Variants in MCC observed in about 807,000 individuals in gnomAD.
MCC encodes the protein MCC regulator of Wnt signaling pathway, also known as colorectal mutant cancer protein.
Under a neutral mutation model 116.2 loss-of-function variants are expected in MCC, and 90 were observed. That is an observed-to-expected ratio of 0.77 (90% CI 0.65 to 0.92). MCC has a LOEUF of 0.92. MCC is among the 40% of genes least tolerant of loss of function. The probability of loss-of-function intolerance (pLI) is 0.00; values close to 1 mark genes in which losing one functional copy is unlikely to be tolerated. For synonymous variants in MCC, 578 were observed against 510.5 expected (o/e 1.13, Z -1.78); for missense variants, 1,516 against 1,312.2 (o/e 1.16, Z -2.40).
intron 2 of MCC, among the ~76,000 whole-genome samples, chr5:113,369,518 G>T (rs1351697948): frequency 6.6e-6 from 1 of 152,078 alleles, no homozygotes; most frequent in Non-Finnish European, 1.5e-5. Context: ...ATTAATGGTA[G>T]ATTTTTTGAG....
Position 113,456,623 on chromosome 5 carries a change from A to ATTTTTTTTTTTTTTTTTTTTTTTT in MCC, c.170+31598_170+31621dup, listed in dbSNP as rs34111159. ...AGTCACCCGCCACCATGCCCAGCTA[A>ATTTTTTTTTTTTTTTTTTTTTTTT]TTTTTTTTTTTTTTTTTTTTTTTTT... On this transcript the variant is annotated intron_variant, in intron 1 of 18. Coordinates refer to ENST00000408903, the MANE Select transcript of MCC (RefSeq NM_001085377.2). Among the ~76,000 whole-genome samples the ATTTTTTTTTTTTTTTTTTTTTTTT allele has an allele frequency of 7.8e-5, 4 of 51,074 alleles. 1 individual carries two copies. Among genetic ancestry groups the ATTTTTTTTTTTTTTTTTTTTTTTT allele is most frequent in the African/African-American group, 3.0e-4 (4 of 13,238 alleles). The allele number at this position is 51,074 out of a possible 152,430, so 33.5% of individuals were successfully genotyped here.
rs879588146 is a variant in MCC, at chr5:113,128,430, T to C, written c.885-5604A>G. ...GAACAAAGTTTTTTGTTTTTTGTTT[T>C]AAAGCTATTGGAAGGAAATGTATTC... On this transcript the variant is annotated intron_variant, in intron 5 of 18. Coordinates refer to ENST00000408903, the MANE Select transcript of MCC (RefSeq NM_001085377.2). 3.3e-5 allele frequency among the ~76,000 whole-genome samples: 5 copies of C among 152,362 alleles called. No individual in the cohort carries two copies. In the Middle Eastern group the frequency reaches 0.01, roughly 311 times the overall value.
At chr5:113,056,920 T>C (rs939419320) in intron 14 of MCC, among the ~76,000 whole-genome samples, 1 of 151,968 alleles carries the variant, frequency 6.6e-6, no homozygotes, top group African/African-American at 2.4e-5. Context: ...GTCCATGAGA[T>C]GGTGAAAAAT....
intron 5 of MCC, among the ~76,000 whole-genome samples, chr5:113,129,303 A>G (rs1758287457): frequency 6.6e-6 from 1 of 152,198 alleles, no homozygotes; most frequent in African/African-American, 2.4e-5. Flanking sequence ...CAGGAAGGAA[A>G]GAGGGCCTAG....
intron 5 of MCC, among the ~76,000 whole-genome samples, chr5:113,135,277 G>A (rs539289994): frequency 1.5e-4 from 22 of 149,166 alleles, no homozygotes; most frequent in African/African-American, 4.2e-4. Flanking sequence ...CTTAGGGGCC[G>A]GGCACAGTGG....
At chr5:113,399,213 C>A (rs181709249) in intron 1 of MCC, among the ~76,000 whole-genome samples, 1 of 152,158 alleles carries the variant, frequency 6.6e-6, no homozygotes, top group Non-Finnish European at 1.5e-5. Flanking sequence ...TGGCCAGGTG[C>A]GGTGGCTCAC....
At chr5:113,289,833 C>A (rs893890569) in intron 3 of MCC, among the ~76,000 whole-genome samples, 15 of 152,176 alleles carry the variant, frequency 9.9e-5, no homozygotes, top group Non-Finnish European at 1.6e-4. Context: ...AATTTTGGAG[C>A]AGTTTGTTGG....
rs1770794434 is a variant in MCC at position 113,434,722 on chromosome 5, T to G, written c.171-49510A>C. The G allele has an allele frequency of 1.9e-6, 3 of 1,614,070 alleles. No homozygotes were observed. The highest frequency in any genetic ancestry group is 2.5e-6 in the Non-Finnish European group (3 of 1,179,972). ...GCCTTCTTGCGGTCGATGATCTTGA[T>G]CGCCACATTGAACTTCAGGCGCTCA... On this transcript the variant is annotated intron_variant, in intron 1 of 18. Coordinates refer to ENST00000408903, the MANE Select transcript of MCC (RefSeq NM_001085377.2). This position sits in a 1 kb window ranked among gnomAD's most constrained non-coding sequence, Gnocchi z 4.2.
intron 6 of MCC, among the ~76,000 whole-genome samples, chr5:113,113,245 T>A (rs1289037261): frequency 6.6e-6 from 1 of 152,238 alleles, no homozygotes; most frequent in Non-Finnish European, 1.5e-5. Context: ...GATGTAATAG[T>A]TCAGATCTCG....
At chr5:113,062,388 G>T (rs6890833) in intron 14 of MCC, among the ~76,000 whole-genome samples, 131,760 of 152,246 alleles carry the variant, frequency 0.87, 57,716 homozygotes, top group Admixed American at 0.95. Context: ...CTCCTGACTG[G>T]TTCTAAATTT....
intron 14 of MCC, among the ~76,000 whole-genome samples, chr5:113,061,848 C>T (rs887719300): frequency 2.4e-4 from 36 of 152,188 alleles, no homozygotes; most frequent in African/African-American, 8.7e-4. Context: ...CAGAAAGATC[C>T]TTTTCTTTAT....
rs145838279 is a variant in MCC, at chr5:113,339,438, T to TGTGTGTGTGTGC, written c.627+1080_627+1081insGCACACACACAC. Among the ~76,000 whole-genome samples the TGTGTGTGTGTGC allele has an allele frequency of 3.5e-3, 522 of 149,660 alleles. 8 individuals carry two copies. The highest frequency in any genetic ancestry group is 0.012 in the African/African-American group (469 of 40,170). On this transcript the variant is annotated intron_variant, in intron 3 of 18. Transcript: ENST00000408903. ...GTGTGTGTGTGTGTGTGTGTGTGTGTGCGTGCATGTGTGTTTTACTGTAAT... is the reference window on the plus strand; with the variant it reads ...GTGTGTGTGTGTGTGTGTGTGTGTGTGTGTGTGTGTGCGCGTGCATGTGTGTTTTACTGTAAT...
chr5:113,184,319 C>T (rs919550915), intron 3 of MCC, among the ~76,000 whole-genome samples: 4 of 152,174 alleles, frequency 2.6e-5, no homozygotes, highest in South Asian at 2.1e-4. Context: ...TGAAACTCAA[C>T]TGGTTTTCCA....
chr5:113,129,143 G>A (rs1758273055), intron 5 of MCC, among the ~76,000 whole-genome samples: 1 of 152,202 alleles, frequency 6.6e-6, no homozygotes, highest in Non-Finnish European at 1.5e-5. Context: ...ACAGAGATAG[G>A]AGGGGTCTGT....
At chr5:113,052,215 G>A (rs768934591) in intron 15 of MCC, among the ~76,000 whole-genome samples, 1 of 152,158 alleles carries the variant, frequency 6.6e-6, no homozygotes, top group South Asian at 2.1e-4. Flanking sequence ...GAAATCCTTA[G>A]TCTTTGGCCA....
chr5:113,192,691 A>G lies in MCC; in HGVS notation c.628-41269T>C, dbSNP rs77486214. 8.1e-3 allele frequency among the ~76,000 whole-genome samples: 1,230 copies of G among 152,344 alleles called. 18 individuals carry two copies. Among genetic ancestry groups the G allele is most frequent in the African/African-American group, 0.029 (1,186 of 41,586 alleles). On this transcript the variant is annotated intron_variant, in intron 3 of 18. Transcript: ENST00000408903. Reference sequence around the variant, plus strand: ...GTTTGTAAGGACTAAGAGATGATACATGCAAAGCACACAACACAGTCCAAA... The same window carrying G: ...GTTTGTAAGGACTAAGAGATGATACGTGCAAAGCACACAACACAGTCCAAA...
At chr5:113,079,438 T>G (rs1166959238) in intron 11 of MCC, among the ~76,000 whole-genome samples, 3 of 152,196 alleles carry the variant, frequency 2.0e-5, no homozygotes, top group African/African-American at 7.2e-5. Context: ...CAAAACAGCA[T>G]GGTACTGGTA....
intron 18 of MCC, 81 bp downstream of exon 18, chr5:113,028,853 G>T: frequency 1.3e-6 from 2 of 1,484,988 alleles, no homozygotes; most frequent in South Asian, 1.3e-5. Context: ...GTCCATCCCT[G>T]GTGCTGTGTC....
At chr5:113,349,153 G>A (rs1768205198) in intron 2 of MCC, among the ~76,000 whole-genome samples, 1 of 151,702 alleles carries the variant, frequency 6.6e-6, no homozygotes, top group South Asian at 2.1e-4. Flanking sequence ...CCTACCCAAA[G>A]TGTTCAAAAA....
Sources: gnomAD v4.1 joint callset for allele counts (sites outside exome capture counted in the v4.1 genomes callset) on GRCh38, gnomAD v4.1.1 for gene constraint, Gnocchi (gnomAD v3.1) non-coding constraint, MANE v1.5 for transcripts, NCBI Gene and HGNC (gene_info 2026-07-23, HGNC 2026-07-21) for gene names.